SALL1: variants seen among roughly 807,000 people sequenced by gnomAD.
SALL1 encodes the protein sal-like protein 1.
In SALL1, 10 loss-of-function variants were observed where a neutral mutation model predicts 73.1. The observed-to-expected ratio is 0.14, with a 90% CI of 0.08 to 0.23. The LOEUF (loss-of-function observed/expected upper bound fraction) is 0.23, where lower values mean the gene tolerates loss of function less well. Among genes scored for constraint, SALL1 ranks in the 10% least tolerant of loss-of-function variants. The pLI is 1.00. For synonymous variants in SALL1, 688 were observed against 689.8 expected (o/e 1.00, Z 0.04); for missense variants, 1,520 against 1,697.3 (o/e 0.90, Z 1.84).
intron 1 of SALL1, among the ~76,000 whole-genome samples, chr16:51,146,732 C>T (rs1352162260): frequency 2.0e-5 from 3 of 152,158 alleles, no homozygotes; most frequent in African/African-American, 7.2e-5. Context: ...ACCTTGTCAC[C>T]TTTGCATGGG....
At position 51,141,891 on chromosome 16, in the gene SALL1, T is replaced by C; in HGVS notation, c.331A>G (p.Ser111Gly). 1 of 1,613,882 alleles carries C rather than the reference T, an allele frequency of 6.2e-7. No individual in the cohort carries two copies. Among genetic ancestry groups the C allele is most frequent in the Non-Finnish European group, 8.5e-7 (1 of 1,180,004 alleles). Residue 111 changes from serine (S) to glycine (G), a missense_variant, in exon 2 of 3, where the codon AGC becomes GGC. By Grantham distance (56) the Ser-to-Gly change is moderately conservative. This residue lies in a region of SALL1 where 540 missense variants were observed against 567.5 expected (regional missense o/e 0.95). Transcript: ENST00000251020. The surrounding 1 kb of genome is among the most constrained non-coding windows in gnomAD (Gnocchi z 5.4). ...AGTCCGTTGTGTTCTGAAAGGTCGC[T>C]GCAGTCCACTTGATCTGTTTTGTTA... is the stretch of plus-strand genomic sequence containing the variant. The part of the protein sequence containing the change: ...TVNKTDQVDC[S>G]DLSEHNGLDR...
chr16:51,142,219 AGGCT>A, intron 1 of SALL1, 74 bp from the exon 2 acceptor site: 3 of 1,203,544 alleles, frequency 2.5e-6, no homozygotes, highest in Non-Finnish European at 3.6e-6. Flanking sequence ...AAAAAAAAAA[AGGCT>A]AATCAATGGT....
intron 1 of SALL1, among the ~76,000 whole-genome samples, chr16:51,146,971 T>C (rs1652572015): frequency 6.6e-6 from 1 of 152,184 alleles, no homozygotes; most frequent in South Asian, 2.1e-4. Context: ...TAGAAGGAGT[T>C]TATTCTAGTT....
At chr16:51,147,497 G>T (rs1391551521) in intron 1 of SALL1, among the ~76,000 whole-genome samples, 8 of 151,762 alleles carry the variant, frequency 5.3e-5, no homozygotes, top group African/African-American at 1.9e-4. Flanking sequence ...AACCTTTTGG[G>T]CCCAGAGATC....
rs140241532 is a variant in SALL1, at chr16:51,139,417, C to T, written c.2805G>A (p.Thr935=). ...TGCTGGGTGACTTGTGGAACTCCTG[C>T]GTGCTGTTGGACGGGGACAGAGCCT... ...SMQALSPSNS[T]QEFHKSPSIE... is the part of the protein sequence containing the mutation. Residue 935 remains threonine, a synonymous_variant, in exon 2 of 3, where the codon ACG becomes ACA. Coordinates refer to ENST00000251020, the MANE Select transcript of SALL1 (RefSeq NM_002968.3). The T allele has an allele frequency of 2.7e-5, 43 of 1,614,086 alleles. No individual in the cohort carries two copies. In the African/African-American group the frequency reaches 2.8e-4, roughly 11 times the overall value.
rs754270438 is a variant in SALL1, at chr16:51,137,091, ATGTCTC to A, written c.*15_*20del. The A allele has an allele frequency of 3.7e-6, 6 of 1,613,548 alleles. No individual in the cohort carries two copies. The South Asian group carries it at 6.6e-5, about 18-fold the overall frequency. The stretch of plus-strand genomic sequence containing the variant: ...CGCATTCTGAACAGGAATGAATGCT[ATGTCTC>A]CAGCCCGAGCTGCTTTAACTCGTGA... On this transcript the variant is annotated 3_prime_UTR_variant, in exon 3 of 3. Transcript: ENST00000251020.
chr16:51,139,513 G>A lies in SALL1; in HGVS notation c.2709C>T (p.Ser903=). 2 of 1,614,244 alleles carry A rather than the reference G, an allele frequency of 1.2e-6. No individual in the cohort carries two copies. The highest frequency in any genetic ancestry group is 2.2e-5 in the South Asian group (2 of 91,088). The change falls in exon 2 of 3, where the codon TCC becomes TCT. Residue 903 remains serine (S), a synonymous_variant. Coordinates refer to ENST00000251020, the MANE Select transcript of SALL1 (RefSeq NM_002968.3). ...GGCTTTCCATGTCACCACCCACTGA[G>A]GATGAATCATTGGTCAGGACATCCC... The part of the protein sequence containing the change: ...IEGDVLTNDS[S]SVGGDMESQS...
intron 1 of SALL1, among the ~76,000 whole-genome samples, chr16:51,147,687 C>T (rs185338747): frequency 6.6e-6 from 1 of 151,524 alleles, no homozygotes; most frequent in Admixed American, 6.6e-5. Flanking sequence ...AACTGAGCAC[C>T]AAAATACTTT....
chr16:51,151,834 G>A (rs1962619927), upstream of SALL1, among the ~76,000 whole-genome samples: 1 of 151,344 alleles, frequency 6.6e-6, no homozygotes. Context: ...GGGCCGGGCG[G>A]CGAGGGCTGG....
intron 1 of SALL1, among the ~76,000 whole-genome samples, chr16:51,148,878 A>G (rs1962555139): frequency 6.6e-6 from 1 of 150,974 alleles, no homozygotes; most frequent in African/African-American, 2.4e-5. Context: ...AACCATTACT[A>G]CTGAAGAAAA....
At chr16:51,149,690 AAGTC>A (rs1280637657) in intron 1 of SALL1, 1 of 152,212 alleles carries the variant, frequency 6.6e-6, no homozygotes. Flanking sequence ...CAGGGACCCC[AAGTC>A]AGGATTCCCC....
chr16:51,140,131 G>T lies in SALL1; in HGVS notation c.2091C>A (p.Asn697Lys), dbSNP rs1189382481. The stretch of plus-strand genomic sequence containing the variant: ...TGGGGTCAGTGGCCTTCTTGTCAAT[G>T]TTTTCTACCAGTTGCTGAAGCTTGG... ...ETSKLQQLVE[N>K]IDKKATDPNE... is the part of the protein sequence containing the mutation. The change falls in exon 2 of 3, where the codon AAC (asparagine) becomes AAA (lysine). Residue 697 changes from asparagine (N) to lysine (K), a missense_variant. This residue lies in a region of SALL1 where 276 missense variants were observed against 259.1 expected (regional missense o/e 1.07). Transcript: ENST00000251020. This position sits in a 1 kb window ranked among gnomAD's most constrained non-coding sequence, Gnocchi z 5.7. 2 of 1,614,184 alleles carry T rather than the reference G, an allele frequency of 1.2e-6. No homozygotes were observed. The highest frequency in any genetic ancestry group is 1.7e-6 in the Non-Finnish European group (2 of 1,180,044).
intron 1 of SALL1, among the ~76,000 whole-genome samples, chr16:51,147,808 CAT>C (rs1491075798): frequency 1.7e-4 from 26 of 151,510 alleles, no homozygotes; most frequent in Non-Finnish European, 3.2e-4. Flanking sequence ...CACACACACA[CAT>C]GCACACATGC....
At chr16:51,148,484 G>C (rs1962549494) in intron 1 of SALL1, among the ~76,000 whole-genome samples, 1 of 152,182 alleles carries the variant, frequency 6.6e-6, no homozygotes, top group African/African-American at 2.4e-5. Context: ...CAGAATGTTT[G>C]AAAAGGGGCT....
Position 51,143,784 on chromosome 16 carries a change from C to T in SALL1, c.77-1639G>A, listed in dbSNP as rs189924640. On this transcript the variant is annotated intron_variant, in intron 1 of 2. Transcript: ENST00000251020. ...TCCCTGGTGAAGTATGCCAAACGTA[C>T]GCACACTTTATTCACTGGGAGTGTT... is the stretch of plus-strand genomic sequence containing the variant. 1.8e-3 allele frequency among the ~76,000 whole-genome samples: 270 copies of T among 152,220 alleles called. 2 individuals carry two copies. The highest frequency in any genetic ancestry group is 4.7e-4 in the Non-Finnish European group (32 of 68,006).
At position 51,141,415 on chromosome 16, in the gene SALL1, A is replaced by T; in HGVS notation, c.807T>A (p.Ser269Arg). Residue 269 changes from serine to arginine, a missense_variant, in exon 2 of 3, where the codon AGT (serine) becomes AGA (arginine). This residue lies in a region of SALL1 where 540 missense variants were observed against 567.5 expected (regional missense o/e 0.95). Coordinates refer to ENST00000251020, the MANE Select transcript of SALL1 (RefSeq NM_002968.3). This position sits in a 1 kb window ranked among gnomAD's most constrained non-coding sequence, Gnocchi z 5.4. ...SQNADLPTSSSPSQGTLRTSA... is the reference protein window; with the variant it reads ...SQNADLPTSSRPSQGTLRTSA... ...ATGTTCGTAAAGTACCTTGAGAAGG[A>T]CTAGAAGATGTTGGCAAGTCTGCAT... The T allele has an allele frequency of 6.2e-7, 1 of 1,614,104 alleles. No homozygotes were observed. Among genetic ancestry groups the T allele is most frequent in the East Asian group, 2.2e-5 (1 of 44,880 alleles).
chr16:51,151,361 C>T, upstream of SALL1: 1 of 427,668 alleles, frequency 2.3e-6, no homozygotes, highest in Non-Finnish European at 3.6e-6. Flanking sequence ...CCCGCCCGCC[C>T]CCTCCCCGGC....
chr16:51,140,153 T>C lies in SALL1; in HGVS notation c.2069A>G (p.Lys690Arg), dbSNP rs752288194. Residue 690 changes from lysine to arginine, a missense_variant, in exon 2 of 3, where the codon AAG becomes AGG. Lys to Arg is a conservative substitution (Grantham distance 26, BLOSUM62 2). Transcript: ENST00000251020. This position sits in a 1 kb window ranked among gnomAD's most constrained non-coding sequence, Gnocchi z 5.7. ...AATGTTTTCTACCAGTTGCTGAAGC[T>C]TGGACGTCTCTGATGCCTGAGCTGA... is the stretch of plus-strand genomic sequence containing the variant. ...LDSAQASETS[K>R]LQQLVENIDK... 153 of 1,614,030 alleles carry C rather than the reference T, an allele frequency of 9.5e-5. No homozygotes were observed. The highest frequency in any genetic ancestry group is 1.6e-4 in the Middle Eastern group (1 of 6,084).
At chr16:51,144,284 T>C (rs779807707) in intron 1 of SALL1, among the ~76,000 whole-genome samples, 1 of 152,224 alleles carries the variant, frequency 6.6e-6, no homozygotes, top group Non-Finnish European at 1.5e-5. Flanking sequence ...CATCTACTTT[T>C]ACAGCCAATT....
Sources: allele counts gnomAD v4.1 joint callset (sites outside exome capture counted in the v4.1 genomes callset), GRCh38; gene constraint gnomAD v4.1.1; regional missense constraint gnomAD v4.1.1; non-coding constraint Gnocchi (gnomAD v3.1); transcripts MANE v1.5; gene names NCBI Gene and HGNC (gene_info 2026-07-23, HGNC 2026-07-21).